SLC24A2: variants seen among roughly 807,000 people sequenced by gnomAD.
SLC24A2 encodes the protein solute carrier family 24 member 2.
A neutral mutation model predicts 62.0 loss-of-function variants in SLC24A2; 36 were observed. The observed-to-expected ratio is 0.58, with a 90% CI of 0.44 to 0.77. The LOEUF (loss-of-function observed/expected upper bound fraction) is 0.77. SLC24A2 is among the 30% of genes least tolerant of loss of function. The pLI is 0.00. For missense variants in SLC24A2, 846 were observed against 817.9 expected, an observed-to-expected ratio of 1.03 and a Z score of -0.42; for synonymous variants, 358 against 294.0, an observed-to-expected ratio of 1.22 and a Z score of -2.23.
chr9:19,954,750 G>A, the SLC24A2 span, among the ~76,000 whole-genome samples: 1 of 152,100 alleles, frequency 6.6e-6, no homozygotes. Context: ...TTTCAGTGAG[G>A]AAGCCTTCCC....
At chr9:20,006,115 C>T in the SLC24A2 span, among the ~76,000 whole-genome samples, 40,676 of 151,192 alleles carry the variant, frequency 0.27, 6,725 homozygotes, top group East Asian at 0.52. Flanking sequence ...AATATATACA[C>T]ATAGTATGTT....
the SLC24A2 span, among the ~76,000 whole-genome samples, chr9:20,244,746 G>A: frequency 1.6e-4 from 25 of 152,176 alleles, no homozygotes; most frequent in African/African-American, 5.1e-4. Flanking sequence ...TGTAAAAGCA[G>A]AAGGTATTAT....
rs143955907 is a variant in SLC24A2 at position 19,711,359 on chromosome 9, C to T, written c.930+74578G>A. 2.0e-5 allele frequency among the ~76,000 whole-genome samples: 3 copies of T among 152,274 alleles called. No homozygotes were observed. The East Asian group carries it at 5.8e-4, about 29-fold the overall frequency. ...TATAGTAAATACAGAAAGATACAGT[C>T]CTCATGACAAAAGCTCTTTGGGGTC... On this transcript the variant is annotated intron_variant, in intron 2 of 10. Coordinates refer to ENST00000341998, the MANE Select transcript of SLC24A2 (RefSeq NM_020344.4).
chr9:20,248,945 CT>C, the SLC24A2 span, among the ~76,000 whole-genome samples: 2 of 152,182 alleles, frequency 1.3e-5, no homozygotes, highest in Admixed American at 6.5e-5. Context: ...CTTTCTCCCC[CT>C]GGAAGTTGCT....
the SLC24A2 span, among the ~76,000 whole-genome samples, chr9:19,796,653 A>C: frequency 1.3e-5 from 2 of 152,234 alleles, no homozygotes; most frequent in African/African-American, 4.8e-5. Context: ...TCTAGGTTAG[A>C]AATCATCTTC....
the SLC24A2 span, among the ~76,000 whole-genome samples, chr9:19,918,846 C>T: frequency 4.6e-5 from 7 of 152,152 alleles, no homozygotes; most frequent in Non-Finnish European, 7.3e-5. Flanking sequence ...ACAGGAAGAA[C>T]TTCTAGGAAA....
the SLC24A2 span, among the ~76,000 whole-genome samples, chr9:19,850,861 A>G: frequency 6.2e-5 from 9 of 146,124 alleles, no homozygotes; most frequent in African/African-American, 1.8e-4. Context: ...TCTAGTCACC[A>G]GCTGATGGAT....
At chr9:19,913,795 C>T in the SLC24A2 span, among the ~76,000 whole-genome samples, 1 of 152,084 alleles carries the variant, frequency 6.6e-6, no homozygotes, top group African/African-American at 2.4e-5. Context: ...CATTTGAATG[C>T]CTTCTCACAG....
At chr9:20,215,477 G>C in the SLC24A2 span, among the ~76,000 whole-genome samples, 1 of 151,028 alleles carries the variant, frequency 6.6e-6, no homozygotes. Context: ...ATTTTTAATA[G>C]AAAAAAAAAG....
the SLC24A2 span, among the ~76,000 whole-genome samples, chr9:19,834,675 C>T: frequency 5.3e-5 from 8 of 152,176 alleles, no homozygotes; most frequent in Admixed American, 2.6e-4. Flanking sequence ...AGGAGAACTT[C>T]CCCAATCTAG....
the SLC24A2 span, among the ~76,000 whole-genome samples, chr9:20,131,366 G>C: frequency 6.6e-6 from 1 of 152,114 alleles, no homozygotes; most frequent in African/African-American, 2.4e-5. Context: ...AGATGAAGTG[G>C]ACACAGAATC....
chr9:20,221,168 A>AAGTGCCATGGAGAAGATAAG, the SLC24A2 span, among the ~76,000 whole-genome samples: 3 of 152,108 alleles, frequency 2.0e-5, no homozygotes, highest in East Asian at 5.8e-4. Context: ...TAATTGCGAT[A>AAGTGCCATGGAGAAGATAAG]AGTGCCATGG....
intron 2 of SLC24A2, among the ~76,000 whole-genome samples, chr9:19,780,796 C>T (rs1250121765): frequency 6.7e-6 from 1 of 149,742 alleles, no homozygotes; most frequent in Non-Finnish European, 1.5e-5. Context: ...TGGCGTGAAC[C>T]CGGGAGGCGG....
chr9:20,038,629 A>C, the SLC24A2 span, among the ~76,000 whole-genome samples: 3 of 139,950 alleles, frequency 2.1e-5, no homozygotes, highest in East Asian at 2.3e-4. Flanking sequence ...TAAAAGAAAC[A>C]AACAAAAAAA....
chr9:19,585,450 C>T (rs1836345393), intron 5 of SLC24A2, among the ~76,000 whole-genome samples: 2 of 152,176 alleles, frequency 1.3e-5, no homozygotes, highest in African/African-American at 4.8e-5. Context: ...TTTCCTGGTT[C>T]AGCACTTGGA....
At chr9:20,042,593 T>C in the SLC24A2 span, among the ~76,000 whole-genome samples, 47 of 152,198 alleles carry the variant, frequency 3.1e-4, no homozygotes, top group African/African-American at 1.1e-3. Context: ...CTAAGGGACA[T>C]GTTCATTTAT....
chr9:19,820,058 C>CATATAT, the SLC24A2 span, among the ~76,000 whole-genome samples: 39 of 34,618 alleles, frequency 1.1e-3, 1 homozygote, highest in East Asian at 5.2e-3. Flanking sequence ...TATATATACA[C>CATATAT]ATATATATAT....
In SLC24A2 at chr9:19,507,504, TTA is replaced by T. The variant is rs1232451765; in HGVS notation, c.*8647_*8648del. 6.6e-6 allele frequency: 1 copy of T among 152,208 alleles called. No individual in the cohort carries two copies. The highest frequency in any genetic ancestry group is 1.9e-4 in the East Asian group (1 of 5,202). 9.4% of individuals were successfully genotyped at this position (152,208 alleles called of 1,614,324 possible). On this transcript the variant is annotated 3_prime_UTR_variant, in exon 11 of 11. Transcript: ENST00000341998. ...CTATTATTTTTCACACTGAGGAGAC[TTA>T]GTTACATAAAGTGATATTCTATGAA...
At chr9:19,661,410 T>C (rs1303959584) in intron 2 of SLC24A2, among the ~76,000 whole-genome samples, 1 of 152,164 alleles carries the variant, frequency 6.6e-6, no homozygotes, top group Non-Finnish European at 1.5e-5. Context: ...ATCATATCCA[T>C]GCAGGGTCTT....
Sources: allele counts gnomAD v4.1 joint callset (sites outside exome capture counted in the v4.1 genomes callset), GRCh38; gene constraint gnomAD v4.1.1; transcripts MANE v1.5; gene names NCBI Gene and HGNC (gene_info 2026-07-23, HGNC 2026-07-21).